The following LRP4 variants were observed in gnomAD, a reference collection of about 807,000 sequenced individuals.
LRP4 encodes low-density lipoprotein receptor-related protein 4.
In LRP4, 95 loss-of-function variants were observed where a neutral mutation model predicts 220.3. The ratio of observed to expected loss-of-function variants is 0.43; its 90% CI spans 0.37 to 0.51. LRP4 has a LOEUF of 0.51. Ranked by LOEUF, LRP4 falls within the 20% of genes least tolerant of loss-of-function variation. The pLI, the probability that LRP4 is intolerant of heterozygous loss-of-function variation, is 0.00. For missense variants in LRP4, 1,925 were observed against 2,567.0 expected, an observed-to-expected ratio of 0.75 and a Z score of 5.40; for synonymous variants, 903 against 954.6, an observed-to-expected ratio of 0.95 and a Z score of 1.00.
chr11:46,900,917 G>C (rs1418419421), intron 2 of LRP4, among the ~76,000 whole-genome samples: 2 of 151,948 alleles, frequency 1.3e-5, no homozygotes, highest in African/African-American at 4.8e-5. Flanking sequence ...CTCCCGAGTA[G>C]CTGGTGTTAC....
chr11:46,898,879 C>T, intron 6 of LRP4, 25 bp downstream of exon 6: 1 of 1,613,730 alleles, frequency 6.2e-7, no homozygotes, highest in Non-Finnish European at 8.5e-7. Flanking sequence ...GGCCTCCCCA[C>T]CTCCCAGCTG....
At chr11:46,905,782 G>A (rs1941749504) in intron 1 of LRP4, among the ~76,000 whole-genome samples, 1 of 151,270 alleles carries the variant, frequency 6.6e-6, no homozygotes, top group Non-Finnish European at 1.5e-5. Flanking sequence ...AACCCAGGAG[G>A]CAGAGGTTGC....
Position 46,883,846 on chromosome 11 carries a change from T to C in LRP4, c.2612+25A>G, listed in dbSNP as rs763503184. On this transcript the variant is annotated intron_variant, in intron 19 of 37. Coordinates refer to ENST00000378623, the MANE Select transcript of LRP4 (RefSeq NM_002334.4). Reference sequence around the variant, plus strand: ...AGATCTTGGGAGGGGTGGATGGAGCTCATTCCCAAGGGGCAGCCACTCACC... The same window carrying C: ...AGATCTTGGGAGGGGTGGATGGAGCCCATTCCCAAGGGGCAGCCACTCACC... 37 of 1,564,406 alleles carry C rather than the reference T, an allele frequency of 2.4e-5. 2 individuals carry two copies. The South Asian group carries it at 4.0e-4, about 17-fold the overall frequency.
intron 12 of LRP4, among the ~76,000 whole-genome samples, chr11:46,893,669 G>A (rs1458504224): frequency 5.3e-5 from 8 of 152,120 alleles, no homozygotes; most frequent in Admixed American, 1.3e-4. Context: ...GTGCAGTCTC[G>A]GGTCACTGCA....
intron 18 of LRP4, among the ~76,000 whole-genome samples, chr11:46,884,943 C>T (rs1265409957): frequency 6.6e-6 from 1 of 151,918 alleles, no homozygotes; most frequent in African/African-American, 2.4e-5. Flanking sequence ...AATTCTAGTC[C>T]ATTTCATGCT....
rs1941091631 is a variant in LRP4 at position 46,879,148 on chromosome 11, G to A, written c.2982C>T (p.Val994=). ...ENLENLMDIH[V]FHRRRPPVST... ...CACCTGGGGGCCGGCGGCGGTGGAA[G>A]ACATGGATGTCCATTAGGTTTTCCA... Residue 994 remains valine, a synonymous_variant, in exon 21 of 38, where the codon GTC becomes GTT. Transcript: ENST00000378623. 6.2e-7 allele frequency: 1 copy of A among 1,614,258 alleles called. No individual in the cohort carries two copies. The highest frequency in any genetic ancestry group is 2.2e-5 in the East Asian group (1 of 44,888).
intron 11 of LRP4, 134 bp from the exon 12 acceptor site, chr11:46,894,953 G>A: frequency 9.7e-7 from 1 of 1,031,616 alleles, no homozygotes; most frequent in South Asian, 1.3e-5. Context: ...ATCAGTACCA[G>A]AAGAGTGGCA....
Position 46,887,948 on chromosome 11 carries a change from G to A in LRP4, c.2216-1415C>T, listed in dbSNP as rs150763468. ...GAGGCTTGCTTAAGCCCAGGAAGTCGAAGCTGCAGTGAGCACTGTTTACAC... is the reference window on the plus strand; with the variant it reads ...GAGGCTTGCTTAAGCCCAGGAAGTCAAAGCTGCAGTGAGCACTGTTTACAC... On this transcript the variant is annotated intron_variant, in intron 16 of 37. Coordinates refer to ENST00000378623, the MANE Select transcript of LRP4 (RefSeq NM_002334.4). Among the ~76,000 whole-genome samples, 350 of 137,258 alleles carry A rather than the reference G, an allele frequency of 2.5e-3. 3 individuals carry two copies. The highest frequency in any genetic ancestry group is 6.9e-3 in the Admixed American group (85 of 12,256). 90.0% of individuals were successfully genotyped at this position (137,258 alleles called of 152,430 possible).
intron 18 of LRP4, among the ~76,000 whole-genome samples, chr11:46,885,829 G>A (rs979356830): frequency 3.3e-5 from 5 of 150,980 alleles, no homozygotes; most frequent in African/African-American, 4.9e-5. Context: ...AGAAAACAAG[G>A]CATAGGTTCA....
rs1941093711 is a variant in LRP4, at chr11:46,879,234, T to C, written c.2896A>G (p.Lys966Glu). 1 of 1,614,242 alleles carries C rather than the reference T, an allele frequency of 6.2e-7. No homozygotes were observed. Among genetic ancestry groups the C allele is most frequent in the Non-Finnish European group, 8.5e-7 (1 of 1,180,044 alleles). ...ERIYWTDWQTKSIQSADRLTG... is the reference protein window; with the variant it reads ...ERIYWTDWQTESIQSADRLTG... The stretch of plus-strand genomic sequence containing the variant: ...AGCCGGTCAGCGCTCTGTATGCTCT[T>C]GGTCTGCCAGTCAGTCCAATAGATG... Residue 966 changes from lysine to glutamate, a missense_variant, in exon 21 of 38, where the codon AAG becomes GAG. Coordinates refer to ENST00000378623, the MANE Select transcript of LRP4 (RefSeq NM_002334.4).
At chr11:46,901,192 A>C (rs977944139) in intron 2 of LRP4, among the ~76,000 whole-genome samples, 1 of 152,218 alleles carries the variant, frequency 6.6e-6, no homozygotes, top group African/African-American at 2.4e-5. Flanking sequence ...CAGAGATTCA[A>C]AAGGTAATTG....
Position 46,859,202 on chromosome 11 carries a change from C to G in LRP4, c.5499G>C (p.Arg1833=), listed in dbSNP as rs2134750971. The G allele has an allele frequency of 2.5e-6, 4 of 1,614,156 alleles. No individual in the cohort carries two copies. The change falls in exon 38 of 38, where the codon CGG becomes CGC. Residue 1833 remains arginine (R), a synonymous_variant. Coordinates refer to ENST00000378623, the MANE Select transcript of LRP4 (RefSeq NM_002334.4). ...WDDLKQLRSS[R]GGLLRDHVCM... ...ATACATGATCCCGGAGGAGGCCCCC[C>G]CGTGAGCTTCGCAGTTGCTTGAGGT...
At chr11:46,886,554 G>T in intron 16 of LRP4, 21 bp from the exon 17 acceptor site, 2 of 1,603,958 alleles carry the variant, frequency 1.2e-6, no homozygotes, top group South Asian at 2.2e-5. Context: ...GCCGAAAGGG[G>T]TCTTCTTTTA....
intron 16 of LRP4, among the ~76,000 whole-genome samples, chr11:46,887,346 G>A (rs1204503028): frequency 6.6e-6 from 1 of 152,170 alleles, no homozygotes; most frequent in Non-Finnish European, 1.5e-5. Context: ...CAGGGGACAG[G>A]GGGCTTTACT....
chr11:46,904,485 A>ATGGATGGG (rs1941725724), intron 1 of LRP4, among the ~76,000 whole-genome samples: 1 of 141,742 alleles, frequency 7.1e-6, no homozygotes, highest in South Asian at 2.2e-4. Flanking sequence ...CAATGCATGG[A>ATGGATGGG]TGGATGGATG....
intron 37 of LRP4, among the ~76,000 whole-genome samples, chr11:46,862,062 C>A (rs1940569789): frequency 1.1e-5 from 1 of 93,478 alleles, no homozygotes; most frequent in Non-Finnish European, 2.0e-5. Flanking sequence ...GAGCGAAACT[C>A]TGTCTCAAAA....
At position 46,918,179 on chromosome 11, in the gene LRP4, G is replaced by T; in HGVS notation, c.52+149C>A. ...GGACTGCTGGAGCCGGGGCCGCTCCGGGTCCTCTCCCCTGCACGCAGCCCC... is the reference window on the plus strand; with the variant it reads ...GGACTGCTGGAGCCGGGGCCGCTCCTGGTCCTCTCCCCTGCACGCAGCCCC... On this transcript the variant is annotated intron_variant, in intron 1 of 37. Coordinates refer to ENST00000378623, the MANE Select transcript of LRP4 (RefSeq NM_002334.4). This position sits in a 1 kb window ranked among gnomAD's most constrained non-coding sequence, Gnocchi z 6.0. 1.3e-6 allele frequency: 1 copy of T among 781,500 alleles called. No homozygotes were observed. The highest frequency in any genetic ancestry group is 1.9e-6 in the Non-Finnish European group (1 of 526,648). 48.4% of individuals were successfully genotyped at this position (781,500 alleles called of 1,614,324 possible). A position where few individuals can be genotyped will look rare whatever the true frequency, so the allele number is the denominator to read the frequency against.
At chr11:46,911,739 C>T (rs887035954) in intron 1 of LRP4, among the ~76,000 whole-genome samples, 32 of 151,938 alleles carry the variant, frequency 2.1e-4, no homozygotes, top group Non-Finnish European at 4.1e-4. Flanking sequence ...CCTTCCCAAC[C>T]TAGATCTTCT....
intron 25 of LRP4, 45 bp downstream of exon 25, chr11:46,876,421 G>A: frequency 1.2e-6 from 2 of 1,610,770 alleles, no homozygotes; most frequent in Middle Eastern, 1.7e-4. Context: ...AACCCCAGCT[G>A]AGCTGGCCCC....
Sources: gnomAD v4.1 joint callset for allele counts (sites outside exome capture counted in the v4.1 genomes callset) on GRCh38, gnomAD v4.1.1 for gene constraint, Gnocchi (gnomAD v3.1) non-coding constraint, MANE v1.5 for transcripts, NCBI Gene and HGNC (gene_info 2026-07-23, HGNC 2026-07-21) for gene names.